TLN2: variants seen among roughly 807,000 people sequenced by gnomAD.
TLN2 encodes the protein talin 2.
Under a neutral mutation model 294.7 loss-of-function variants are expected in TLN2, and 118 were observed. That is an observed-to-expected ratio of 0.40 (90% CI 0.34 to 0.47). TLN2 has a LOEUF of 0.47. Among genes scored for constraint, TLN2 ranks in the 20% least tolerant of loss-of-function variants. The pLI, the probability that TLN2 is intolerant of heterozygous loss-of-function variation, is 0.84. For synonymous variants in TLN2, 1,431 were observed against 1,304.5 expected (o/e 1.10, Z -2.09); for missense variants, 3,083 against 3,282.2 (o/e 0.94, Z 1.48).
intron 7 of TLN2, 26 bp from the exon 8 acceptor site, chr15:62,655,918 C>A (rs775695647): frequency 2.5e-6 from 4 of 1,612,188 alleles, no homozygotes; most frequent in Admixed American, 1.7e-5. Flanking sequence ...AAACACAGTT[C>A]TCTTATATGT....
intron 54 of TLN2, chr15:62,823,917 G>T (rs1346940426): frequency 1.9e-6 from 1 of 516,012 alleles, no homozygotes; most frequent in Non-Finnish European, 4.0e-6. Context: ...CTTCAATACT[G>T]TGCCTAGTCT....
chr15:62,720,897 G>T (rs1307213386), intron 25 of TLN2, among the ~76,000 whole-genome samples: 1 of 152,142 alleles, frequency 6.6e-6, no homozygotes, highest in Admixed American at 6.5e-5. Context: ...TGAATTCCTA[G>T]AGAGAGGATT....
intron 1 of TLN2, among the ~76,000 whole-genome samples, chr15:62,496,243 A>G (rs2039010240): frequency 1.3e-5 from 2 of 152,302 alleles, no homozygotes; most frequent in South Asian, 2.1e-4. Context: ...CTACGAAGAG[A>G]AGCAGCTTAT....
Position 62,722,320 on chromosome 15 carries a change from G to C in TLN2, c.2992-33G>C, listed in dbSNP as rs752738473. 6 of 1,585,892 alleles carry C rather than the reference G, an allele frequency of 3.8e-6. No individual in the cohort carries two copies. The Admixed American group carries it at 8.5e-5, about 22-fold the overall frequency. On this transcript the variant is annotated intron_variant, in intron 25 of 58. Coordinates refer to ENST00000636159, the MANE Select transcript of TLN2 (RefSeq NM_015059.3). ...CTCCTCTCTACCTCTTGCTGCCCAG[G>C]AGCCATCTTACTTTCTTTTCATCTC... is the stretch of plus-strand genomic sequence containing the variant.
chr15:62,801,664 G>A (rs977097714), intron 50 of TLN2, among the ~76,000 whole-genome samples: 70 of 152,130 alleles, frequency 4.6e-4, no homozygotes, highest in African/African-American at 1.6e-3. Context: ...TTGATGTTGC[G>A]CTCAGTTCAT....
chr15:62,597,159 A>G (rs1041884047), intron 2 of TLN2, among the ~76,000 whole-genome samples: 2 of 152,058 alleles, frequency 1.3e-5, no homozygotes, highest in South Asian at 4.2e-4. Context: ...TCTCCTAGAT[A>G]CACTATTTGT....
At chr15:62,425,075 C>T (rs545505555) in intron 1 of TLN2, among the ~76,000 whole-genome samples, 25 of 150,458 alleles carry the variant, frequency 1.7e-4, no homozygotes, top group Non-Finnish European at 3.0e-4. Context: ...GCCTCAGCCT[C>T]CTGAGTAGCT....
intron 1 of TLN2, among the ~76,000 whole-genome samples, chr15:62,582,520 T>C (rs564477053): frequency 6.6e-6 from 1 of 152,254 alleles, no homozygotes; most frequent in South Asian, 2.1e-4. Flanking sequence ...GTCAATGAAG[T>C]CTCCTTGGAG....
At position 62,394,351 on chromosome 15, in the gene TLN2, C is replaced by T. The variant is rs369938250; in HGVS notation, c.-238+3666C>T. Among the ~76,000 whole-genome samples the T allele has an allele frequency of 3.9e-5, 6 of 152,164 alleles. No homozygotes were observed. The East Asian group carries it at 1.2e-3, about 29-fold the overall frequency. Reference sequence around the variant, plus strand: ...GATTTTGAGTGGTCGTTGGCCAGTACAGGAAGTACTCAAAAAGAGCTAAAT... The same window carrying T: ...GATTTTGAGTGGTCGTTGGCCAGTATAGGAAGTACTCAAAAAGAGCTAAAT... On this transcript the variant is annotated intron_variant, in intron 1 of 58. Coordinates refer to ENST00000636159, the MANE Select transcript of TLN2 (RefSeq NM_015059.3).
intron 58 of TLN2, among the ~76,000 whole-genome samples, chr15:62,839,456 C>A (rs1390351997): frequency 6.6e-6 from 1 of 152,190 alleles, no homozygotes; most frequent in Non-Finnish European, 1.5e-5. Flanking sequence ...TAAAATGATG[C>A]ATTTGGAGGT....
intron 1 of TLN2, among the ~76,000 whole-genome samples, chr15:62,527,611 A>T (rs528795132): frequency 6.6e-6 from 1 of 152,214 alleles, no homozygotes; most frequent in Non-Finnish European, 1.5e-5. Flanking sequence ...AATGTCTTTC[A>T]TGTCATTCCT....
intron 57 of TLN2, chr15:62,837,984 T>C (rs2141264626): frequency 6.6e-6 from 1 of 152,346 alleles, no homozygotes; most frequent in South Asian, 2.1e-4. Context: ...TAACCACTTT[T>C]AGAAGAAAAT....
chr15:62,702,575 G>A (rs1484794576), intron 18 of TLN2, among the ~76,000 whole-genome samples, 191 bp from the exon 19 acceptor site: 3 of 152,176 alleles, frequency 2.0e-5, no homozygotes, highest in African/African-American at 7.2e-5. Flanking sequence ...TATATTGCTG[G>A]TTTGTGAGAC....
At position 62,761,711 on chromosome 15, in the gene TLN2, C is replaced by T. The variant is rs773933667; in HGVS notation, c.4669C>T (p.Arg1557Cys). 32 of 1,613,962 alleles carry T rather than the reference C, an allele frequency of 2.0e-5. No homozygotes were observed. The highest frequency in any genetic ancestry group is 3.3e-5 in the South Asian group (3 of 91,070). Residue 1557 changes from arginine to cysteine, a missense_variant, in exon 38 of 59, where the codon CGC (arginine) becomes TGC (cysteine). Physicochemically the swap from Arg to Cys is radical, Grantham distance 180. Coordinates refer to ENST00000636159, the MANE Select transcript of TLN2 (RefSeq NM_015059.3). Reference protein sequence around the residue: ...ALDGDFSEDNRNKCRIATAPL... With the variant: ...ALDGDFSEDNCNKCRIATAPL... ...GGATGGGGATTTCTCTGAAGACAAC[C>T]GCAATAAGTGTCGCATCGCCACCGC...
chr15:62,640,625 G>C (rs1009603371), intron 3 of TLN2, among the ~76,000 whole-genome samples: 2 of 152,090 alleles, frequency 1.3e-5, no homozygotes, highest in African/African-American at 2.4e-5. Context: ...GAATTCTTAG[G>C]TTGGGGGAAC....
At chr15:62,419,956 T>C (rs1371577470) in intron 1 of TLN2, among the ~76,000 whole-genome samples, 2 of 152,166 alleles carry the variant, frequency 1.3e-5, no homozygotes, top group East Asian at 3.9e-4. Context: ...CCAAGGGGCA[T>C]CTTATCCCTG....
chr15:62,650,175 G>C lies in TLN2; in HGVS notation c.228G>C (p.Arg76=), dbSNP rs1479266868. Residue 76 remains arginine, a synonymous_variant, in exon 5 of 59, where the codon CGG becomes CGC. Coordinates refer to ENST00000636159, the MANE Select transcript of TLN2 (RefSeq NM_015059.3). ...GAACACTGGATTACTACATGTTGCG[G>C]AATGGGGTATGCTGCCAATCCCAGT... The part of the protein sequence containing the change: ...AGRTLDYYML[R]NGDILEYKKK... 6.2e-7 allele frequency: 1 copy of C among 1,614,152 alleles called. No homozygotes were observed. The highest frequency in any genetic ancestry group is 8.5e-7 in the Non-Finnish European group (1 of 1,179,996).
chr15:62,462,378 G>A (rs1350852129), intron 1 of TLN2, among the ~76,000 whole-genome samples: 1 of 152,250 alleles, frequency 6.6e-6, no homozygotes, highest in African/African-American at 2.4e-5. Context: ...GCTGTCCACA[G>A]TTGGCCCCCT....
intron 9 of TLN2, among the ~76,000 whole-genome samples, chr15:62,667,589 C>T (rs8033488): frequency 1.2e-4 from 18 of 152,298 alleles, no homozygotes; most frequent in African/African-American, 4.1e-4. Context: ...CGATAACACT[C>T]ATAGGTTGTA....
Sources: gnomAD v4.1 joint callset for allele counts (sites outside exome capture counted in the v4.1 genomes callset) on GRCh38, gnomAD v4.1.1 for gene constraint, MANE v1.5 for transcripts, NCBI Gene and HGNC (gene_info 2026-07-23, HGNC 2026-07-21) for gene names.